The following COL24A1 variants were observed in gnomAD, a reference collection of about 807,000 sequenced individuals.
The protein encoded by COL24A1 is collagen alpha-1(XXIV) chain.
COL24A1 carries 224 observed loss-of-function variants against 253.9 expected under a neutral mutation model. That is an observed-to-expected ratio of 0.88 (90% CI 0.79 to 0.99). The LOEUF (loss-of-function observed/expected upper bound fraction) is 0.99, where lower values mean the gene tolerates loss of function less well. Ranked by LOEUF, COL24A1 falls within the 50% of genes least tolerant of loss-of-function variation. The pLI, the probability that COL24A1 is intolerant of heterozygous loss-of-function variation, is 0.00. For missense variants in COL24A1, 2,131 were observed against 2,068.5 expected, an observed-to-expected ratio of 1.03 and a Z score of -0.59; for synonymous variants, 685 against 673.7, an observed-to-expected ratio of 1.02 and a Z score of -0.26.
In COL24A1 at chr1:85,786,455, T is replaced by G. The variant is rs1669695819; in HGVS notation, c.3958A>C (p.Arg1320=). 6.2e-7 allele frequency: 1 copy of G among 1,613,272 alleles called. No individual in the cohort carries two copies. The highest frequency in any genetic ancestry group is 8.5e-7 in the Non-Finnish European group (1 of 1,179,558). ...PPGKQGLPGI[R]GGPGRTGLAG... is the part of the protein sequence containing the mutation. ...AGACCTGTTCTTCCTGGGCCGCCTC[T>G]GATGCCCTAAATAACACAGATAAGA... The change falls in exon 48 of 60, where the codon AGA becomes CGA. Residue 1320 remains arginine, a synonymous_variant. Transcript: ENST00000370571.
intron 5 of COL24A1, among the ~76,000 whole-genome samples, chr1:86,096,535 A>G (rs567782605): frequency 1.2e-4 from 18 of 152,278 alleles, no homozygotes; most frequent in African/African-American, 4.1e-4. Context: ...TGAAGCTGCT[A>G]ATATGTGGAT....
chr1:86,057,029 C>T (rs1438663252), intron 10 of COL24A1, among the ~76,000 whole-genome samples: 1 of 151,886 alleles, frequency 6.6e-6, no homozygotes, highest in African/African-American at 2.4e-5. Context: ...ATGTTTGTCC[C>T]CTCCAAATCG....
At chr1:85,972,711 G>A (rs550113550) in intron 20 of COL24A1, among the ~76,000 whole-genome samples, 25 of 152,326 alleles carry the variant, frequency 1.6e-4, no homozygotes, top group Admixed American at 1.3e-3. Flanking sequence ...ATCTAAGTCA[G>A]TCAGTATATT....
At chr1:86,067,350 G>T (rs1332163605) in intron 7 of COL24A1, among the ~76,000 whole-genome samples, 1 of 152,104 alleles carries the variant, frequency 6.6e-6, no homozygotes, top group African/African-American at 2.4e-5. Context: ...TTATAAGTTA[G>T]CCTAGGATAG....
intron 37 of COL24A1, among the ~76,000 whole-genome samples, chr1:85,849,984 G>C (rs1365269628): frequency 1.3e-5 from 2 of 151,950 alleles, no homozygotes; most frequent in East Asian, 1.9e-4. Flanking sequence ...CACTGGAGTA[G>C]AAAGAGTTAA....
Position 85,896,392 on chromosome 1 carries a change from A to G in COL24A1, c.2796T>C (p.Asp932=). Reference sequence around the variant, plus strand: ...GTATACCTTGTTCCCCTAAGAGACCATCTGGTCCTCTTGATCCCTAGAGGT... The same window carrying G: ...GTATACCTTGTTCCCCTAAGAGACCGTCTGGTCCTCTTGATCCCTAGAGGT... ...PKGQRGSRGP[D]GLLGEQGIQG... Residue 932 remains aspartate, a synonymous_variant, in exon 29 of 60, where the codon GAT becomes GAC. Transcript: ENST00000370571. 6.2e-7 allele frequency: 1 copy of G among 1,613,446 alleles called. No homozygotes were observed. The highest frequency in any genetic ancestry group is 8.5e-7 in the Non-Finnish European group (1 of 1,179,436).
At chr1:86,053,513 C>T (rs983682147) in intron 10 of COL24A1, among the ~76,000 whole-genome samples, 1 of 151,978 alleles carries the variant, frequency 6.6e-6, no homozygotes, top group Non-Finnish European at 1.5e-5. Context: ...TCTCAAAATA[C>T]CACCATGAAA....
intron 5 of COL24A1, among the ~76,000 whole-genome samples, chr1:86,106,708 C>T (rs1002177045): frequency 6.6e-6 from 1 of 151,906 alleles, no homozygotes; most frequent in South Asian, 2.1e-4. Context: ...CATTTGATAA[C>T]AAGAAAAAAG....
chr1:85,869,561 G>T (rs1346111827), intron 35 of COL24A1, among the ~76,000 whole-genome samples: 3 of 152,278 alleles, frequency 2.0e-5, no homozygotes, highest in African/African-American at 4.8e-5. Flanking sequence ...CTAAAGAAAA[G>T]AATTTTCAAC....
intron 45 of COL24A1, among the ~76,000 whole-genome samples, chr1:85,821,215 T>G (rs1673593055): frequency 6.6e-6 from 1 of 152,182 alleles, no homozygotes; most frequent in Non-Finnish European, 1.5e-5. Flanking sequence ...TGGTTTTGAC[T>G]TGCTCTAAAT....
chr1:85,837,335 T>C (rs956806323), intron 43 of COL24A1, among the ~76,000 whole-genome samples: 2 of 152,206 alleles, frequency 1.3e-5, no homozygotes, highest in Non-Finnish European at 2.9e-5. Flanking sequence ...AAGAGAGTTT[T>C]AGGGAGTGAA....
intron 5 of COL24A1, among the ~76,000 whole-genome samples, chr1:86,104,477 T>C (rs932243683): frequency 6.6e-6 from 1 of 152,258 alleles, no homozygotes; most frequent in African/African-American, 2.4e-5. Flanking sequence ...TCAGAGTTCT[T>C]GTACTGGTTC....
intron 22 of COL24A1, among the ~76,000 whole-genome samples, chr1:85,967,424 T>C (rs575379824): frequency 2.0e-5 from 3 of 152,240 alleles, no homozygotes; most frequent in South Asian, 4.1e-4. Context: ...CAAGACACAA[T>C]GGAAAGGCAG....
At chr1:86,046,462 G>C (rs184923380) in intron 12 of COL24A1, among the ~76,000 whole-genome samples, 39 of 152,192 alleles carry the variant, frequency 2.6e-4, no homozygotes, top group African/African-American at 8.4e-4. Context: ...AAAACCTCCA[G>C]AACATGAGAT....
rs772290717 is a variant in COL24A1, at chr1:86,023,026, GA to G, written c.2050-20del. On this transcript the variant is annotated intron_variant, in intron 14 of 59. Coordinates refer to ENST00000370571, the MANE Select transcript of COL24A1 (RefSeq NM_152890.7). ...CACTGCCCTGGAAAACAGTAAGAAAGAAATGCATCATTAAGCATTCATTAGG... is the reference window on the plus strand; with the variant it reads ...CACTGCCCTGGAAAACAGTAAGAAAGAATGCATCATTAAGCATTCATTAGG... 15 of 1,608,690 alleles carry G rather than the reference GA, an allele frequency of 9.3e-6. No homozygotes were observed. Among genetic ancestry groups the G allele is most frequent in the Non-Finnish European group, 1.1e-5 (13 of 1,176,622 alleles).
rs371391680 is a variant in COL24A1 at position 86,125,977 on chromosome 1, G to A, written c.359C>T (p.Ala120Val). The A allele has an allele frequency of 3.7e-6, 6 of 1,613,428 alleles. No individual in the cohort carries two copies. Among genetic ancestry groups the A allele is most frequent in the Non-Finnish European group, 5.1e-6 (6 of 1,179,784 alleles). Residue 120 changes from alanine (A) to valine (V), a missense_variant, in exon 3 of 60, where the codon GCA (alanine) becomes GTA (valine). Ala to Val is a moderately conservative substitution (Grantham distance 64, BLOSUM62 0). Coordinates refer to ENST00000370571, the MANE Select transcript of COL24A1 (RefSeq NM_152890.7). ...TGLQSHRVNN[A>V]FLFSIRNKNR... is the part of the protein sequence containing the mutation. ...TTTATTTCTAATGCTGAAGAGAAAT[G>A]CATTGTTCACCCGATGTGACTGTAA...
chr1:85,990,889 T>C (rs1457842970), intron 19 of COL24A1, among the ~76,000 whole-genome samples: 2 of 152,106 alleles, frequency 1.3e-5, no homozygotes, highest in Non-Finnish European at 2.9e-5. Context: ...AGGTGAAGAA[T>C]CAAGAATTTG....
chr1:86,112,748 T>A, intron 4 of COL24A1, 128 bp from the exon 5 acceptor site: 1 of 754,082 alleles, frequency 1.3e-6, no homozygotes, highest in Non-Finnish European at 2.1e-6. Context: ...TTATTATGTA[T>A]GCCTTAAAGA....
At chr1:85,814,314 A>T (rs1380945483) in intron 47 of COL24A1, among the ~76,000 whole-genome samples, 1 of 152,220 alleles carries the variant, frequency 6.6e-6, no homozygotes, top group Non-Finnish European at 1.5e-5. Context: ...AAATAAAACT[A>T]GCATGACAGA....
Sources: gnomAD v4.1 joint callset for allele counts (sites outside exome capture counted in the v4.1 genomes callset) on GRCh38, gnomAD v4.1.1 for gene constraint, MANE v1.5 for transcripts, NCBI Gene and HGNC (gene_info 2026-07-23, HGNC 2026-07-21) for gene names.